The following NKTR variants were observed in gnomAD, a reference collection of about 807,000 sequenced individuals.
NKTR encodes natural killer cell triggering receptor, also known as NK-tumor recognition protein.
In NKTR, 67 loss-of-function variants were observed where a neutral mutation model predicts 156.3. The observed-to-expected ratio is 0.43, with a 90% CI of 0.35 to 0.53. NKTR has a LOEUF of 0.53. Among genes scored for constraint, NKTR ranks in the 20% least tolerant of loss-of-function variants. The probability of loss-of-function intolerance (pLI) is 0.01; values close to 1 mark genes in which losing one functional copy is unlikely to be tolerated. For synonymous variants in NKTR, 640 were observed against 596.6 expected (o/e 1.07, Z -1.06); for missense variants, 1,604 against 1,730.9 (o/e 0.93, Z 1.30).
intron 6 of NKTR, 68 bp downstream of exon 6, chr3:42,621,584 A>C: frequency 9.2e-6 from 14 of 1,520,572 alleles, no homozygotes; most frequent in Non-Finnish European, 1.2e-5. Context: ...GAAAGATGGT[A>C]TAGTTAAACC....
intron 13 of NKTR, 81 bp from the exon 14 acceptor site, chr3:42,642,420 C>A: frequency 9.4e-7 from 1 of 1,059,704 alleles, no homozygotes; most frequent in South Asian, 1.3e-5. Flanking sequence ...GTGTTTTCCC[C>A]TTTCTGCCCT....
intron 5 of NKTR, chr3:42,620,072 CTCCAATTCTGT>C: frequency 6.5e-7 from 1 of 1,533,478 alleles, no homozygotes; most frequent in South Asian, 1.2e-5. Flanking sequence ...GTAACACAAA[CTCCAATTCTGT>C]TCCCTTGCAC....
At chr3:42,627,993 T>C (rs1468145725) in intron 6 of NKTR, 2 of 985,216 alleles carry the variant, frequency 2.0e-6, no homozygotes, top group Non-Finnish European at 2.4e-6. Flanking sequence ...CTCTCCGCCC[T>C]TTTGTAACCC....
intron 13 of NKTR, among the ~76,000 whole-genome samples, chr3:42,640,618 C>T (rs1315620248): frequency 6.6e-6 from 1 of 152,228 alleles, no homozygotes; most frequent in Non-Finnish European, 1.5e-5. Context: ...AAAAAAGGAA[C>T]CGCCACGTGC....
At chr3:42,629,285 C>A in intron 6 of NKTR, 1 of 969,326 alleles carries the variant, frequency 1.0e-6, no homozygotes, top group Non-Finnish European at 1.2e-6. Flanking sequence ...ACTTTTCAAT[C>A]TTCTAAGGAA....
rs1707708019 is a variant in NKTR, at chr3:42,619,494, T to C, written c.242-170T>C. On this transcript the variant is annotated intron_variant, in intron 4 of 16. Transcript: ENST00000232978. ...TTGATGGTATTTCTTGTAATGGGAC[T>C]TGACATATATTTTACAGATGAAGTT... 4.9e-6 allele frequency: 7 copies of C among 1,440,858 alleles called. No homozygotes were observed. The South Asian group carries it at 6.0e-5, about 12-fold the overall frequency. The allele number at this position is 1,440,858 out of a possible 1,614,324, so 89.3% of individuals were successfully genotyped here.
intron 13 of NKTR, among the ~76,000 whole-genome samples, chr3:42,640,625 G>A (rs567380870): frequency 3.3e-5 from 5 of 152,102 alleles, no homozygotes; most frequent in African/African-American, 7.2e-5. Context: ...GAACCGCCAC[G>A]TGCCATCTAT....
rs1230820627 is a variant in NKTR at position 42,646,960 on chromosome 3, G to C, written c.*985G>C. 6.6e-6 allele frequency: 1 copy of C among 152,158 alleles called. No individual in the cohort carries two copies. The highest frequency in any genetic ancestry group is 1.5e-5 in the Non-Finnish European group (1 of 68,034). The allele number at this position is 152,158 out of a possible 1,614,324, so 9.4% of individuals were successfully genotyped here. On this transcript the variant is annotated 3_prime_UTR_variant, in exon 17 of 17. Transcript: ENST00000232978. ...CCACTCAAGTCTACTGTGTGTGTGT[G>C]CCTCTGGAAGAGTGAAGAATGGACT...
chr3:42,617,763 A>C (rs1464306269), intron 3 of NKTR, 119 bp downstream of exon 3: 1 of 582,996 alleles, frequency 1.7e-6, no homozygotes, highest in East Asian at 2.9e-5. Flanking sequence ...GAATTAAAAA[A>C]AAAAAAGAGT....
Position 42,638,803 on chromosome 3 carries a change from G to A in NKTR, c.3099G>A (p.Lys1033=), listed in dbSNP as rs771909849. The change falls in exon 13 of 17, where the codon AAG becomes AAA. Residue 1033 remains lysine (K), a synonymous_variant. Transcript: ENST00000232978. ...AGGAGGAGGAGGAGATTGATGACAA[G>A]CAAGTTACTCAGGAATCAAAAGAGA... The part of the protein sequence containing the change: ...GEEEEEEIDD[K]QVTQESKEKK... 1.2e-6 allele frequency: 2 copies of A among 1,610,604 alleles called. No individual in the cohort carries two copies. Among genetic ancestry groups the A allele is most frequent in the Non-Finnish European group, 1.7e-6 (2 of 1,179,216 alleles).
chr3:42,618,870 A>G, intron 3 of NKTR, 150 bp from the exon 4 acceptor site: 4 of 650,898 alleles, frequency 6.1e-6, no homozygotes, highest in Admixed American at 3.3e-5. Context: ...GCATGTGTGT[A>G]TGTTAAATTA....
chr3:42,632,234 T>C (rs1316573045), intron 8 of NKTR, among the ~76,000 whole-genome samples: 2 of 151,932 alleles, frequency 1.3e-5, no homozygotes, highest in Non-Finnish European at 2.9e-5. Flanking sequence ...CATGCCTGGC[T>C]AATTTTTGTT....
At position 42,600,774 on chromosome 3, in the gene NKTR, G is replaced by C. The variant is rs762343902; in HGVS notation, c.-28G>C. 2.7e-6 allele frequency: 1 copy of C among 369,880 alleles called. No individual in the cohort carries two copies. Among genetic ancestry groups the C allele is most frequent in the Non-Finnish European group, 4.9e-6 (1 of 205,190 alleles). 22.9% of individuals were successfully genotyped at this position (369,880 alleles called of 1,614,324 possible). A position where few individuals can be genotyped will look rare whatever the true frequency, so the allele number is the denominator to read the frequency against. ...GGGGACCCGCTCAGGCTGGAGGCCA[G>C]CCAGGTGAAGAGCTCGCCCGCATGC... On this transcript the variant is annotated 5_prime_UTR_variant, in exon 1 of 17. Transcript: ENST00000232978.
intron 9 of NKTR, 73 bp downstream of exon 9, chr3:42,632,896 A>G (rs1269947608): frequency 3.0e-6 from 4 of 1,345,522 alleles, no homozygotes; most frequent in East Asian, 2.8e-5. Context: ...GTATAATTCT[A>G]TAAACTCAAT....
Position 42,636,939 on chromosome 3 carries a change from A to G in NKTR, c.1235A>G (p.Asn412Ser), listed in dbSNP as rs759861965. The G allele has an allele frequency of 2.5e-6, 4 of 1,600,352 alleles. No homozygotes were observed. In the East Asian group the frequency reaches 8.9e-5, roughly 36 times the overall value. ...LSQRSRSWSY[N>S]GYYSDLSTAR... ...CAGAGATCCAGATCATGGTCCTATAATGGATATTATTCAGACCTTAGTACA... is the reference window on the plus strand; with the variant it reads ...CAGAGATCCAGATCATGGTCCTATAGTGGATATTATTCAGACCTTAGTACA... The change falls in exon 13 of 17, where the codon AAT (asparagine) becomes AGT (serine). Residue 412 changes from asparagine to serine, a missense_variant. Asn to Ser is a conservative substitution (Grantham distance 46). Around this residue, in one of 6 missense-constraint regions of NKTR, gnomAD observed 1,255 missense variants for 1,243.7 expected, o/e 1.01. Coordinates refer to ENST00000232978, the MANE Select transcript of NKTR (RefSeq NM_005385.4).
chr3:42,635,140 G>C, intron 11 of NKTR, 81 bp from the exon 12 acceptor site: 1 of 1,020,482 alleles, frequency 9.8e-7, no homozygotes, highest in African/African-American at 1.7e-5. Context: ...ATCTGAGATT[G>C]GGTCTTTTAC....
chr3:42,636,936 A>G lies in NKTR; in HGVS notation c.1232A>G (p.Tyr411Cys). Reference protein sequence around the residue: ...SLSQRSRSWSYNGYYSDLSTA... With the variant: ...SLSQRSRSWSCNGYYSDLSTA... ...TCTCAGAGATCCAGATCATGGTCCT[A>G]TAATGGATATTATTCAGACCTTAGT... Residue 411 changes from tyrosine to cysteine, a missense_variant, in exon 13 of 17, where the codon TAT becomes TGT. Physicochemically the swap from Tyr to Cys is radical, Grantham distance 194. This residue lies in a region of NKTR where 1,255 missense variants were observed against 1,243.7 expected (regional missense o/e 1.01). Transcript: ENST00000232978. 1.2e-6 allele frequency: 2 copies of G among 1,600,306 alleles called. No individual in the cohort carries two copies. Among genetic ancestry groups the G allele is most frequent in the Non-Finnish European group, 1.7e-6 (2 of 1,176,810 alleles).
chr3:42,640,531 T>G (rs574286008), intron 13 of NKTR, among the ~76,000 whole-genome samples: 1 of 152,324 alleles, frequency 6.6e-6, no homozygotes, highest in South Asian at 2.1e-4. Flanking sequence ...GAACTGAAAA[T>G]ACCATAAGAA....
chr3:42,619,501 A>T, intron 4 of NKTR, 163 bp from the exon 5 acceptor site: 1 of 1,459,030 alleles, frequency 6.9e-7, no homozygotes, highest in Non-Finnish European at 9.0e-7. Flanking sequence ...GACTTGACAT[A>T]TATTTTACAG....
Sources: gnomAD v4.1 joint callset for allele counts (sites outside exome capture counted in the v4.1 genomes callset) on GRCh38, gnomAD v4.1.1 for gene constraint, gnomAD v4.1.1 regional missense constraint, MANE v1.5 for transcripts, NCBI Gene and HGNC (gene_info 2026-07-23, HGNC 2026-07-21) for gene names.